MPPED1: variants seen among roughly 807,000 people sequenced by gnomAD.
MPPED1 encodes metallophosphoesterase domain containing 1.
MPPED1 carries 16 observed loss-of-function variants against 36.2 expected under a neutral mutation model. The observed-to-expected ratio is 0.44, with a 90% CI of 0.30 to 0.67. MPPED1 has a LOEUF of 0.67. Among genes scored for constraint, MPPED1 ranks in the 30% least tolerant of loss-of-function variants. The pLI, the probability that MPPED1 is intolerant of heterozygous loss-of-function variation, is 0.10. For synonymous variants in MPPED1, 199 were observed against 191.3 expected, an observed-to-expected ratio of 1.04 and a Z score of -0.33; for missense variants, 307 against 453.4, an observed-to-expected ratio of 0.68 and a Z score of 2.93.
chr22:43,443,687 CT>C (rs939866776), intron 3 of MPPED1, among the ~76,000 whole-genome samples: 204 of 147,860 alleles, frequency 1.4e-3, no homozygotes, highest in African/African-American at 3.9e-3. Context: ...GTCCAACCAA[CT>C]TTTTTTTTTT....
chr22:43,466,452 C>A (rs918229899), intron 3 of MPPED1, among the ~76,000 whole-genome samples: 2 of 152,214 alleles, frequency 1.3e-5, no homozygotes, highest in African/African-American at 4.8e-5. Flanking sequence ...CATTTCTGGG[C>A]TGTGCTATAC....
chr22:43,482,420 A>T (rs769226736), intron 4 of MPPED1, among the ~76,000 whole-genome samples: 12 of 151,808 alleles, frequency 7.9e-5, no homozygotes, highest in Non-Finnish European at 1.2e-4. Context: ...GCTGGACCTC[A>T]AGGCCAGGCA....
chr22:43,444,079 G>A (rs1028352193), intron 3 of MPPED1, among the ~76,000 whole-genome samples: 1 of 152,182 alleles, frequency 6.6e-6, no homozygotes, highest in Non-Finnish European at 1.5e-5. Context: ...AAGCCATGCT[G>A]TGTTGTAGGG....
At position 43,474,661 on chromosome 22, in the gene MPPED1, T is replaced by A. The variant is rs1931485479; in HGVS notation, c.407-75T>A. 1.3e-6 allele frequency: 2 copies of A among 1,576,910 alleles called. No homozygotes were observed. Among genetic ancestry groups the A allele is most frequent in the African/African-American group, 2.7e-5 (2 of 73,760 alleles). On this transcript the variant is annotated intron_variant, in intron 3 of 6. Transcript: ENST00000443721. The surrounding 1 kb of genome is among the most constrained non-coding windows in gnomAD (Gnocchi z 5.2). ...CATGCAGCTTCCTCCTGCCCGCCCC[T>A]CTCTCAGCCGTGCTGTGGCTTCTGG...
At chr22:43,481,443 G>C (rs1931746965) in intron 4 of MPPED1, among the ~76,000 whole-genome samples, 1 of 152,132 alleles carries the variant, frequency 6.6e-6, no homozygotes, top group African/African-American at 2.4e-5. Flanking sequence ...CTTCATAGGG[G>C]CAGGGACCCA....
chr22:43,473,075 A>G (rs567907645), intron 3 of MPPED1, among the ~76,000 whole-genome samples: 25 of 152,314 alleles, frequency 1.6e-4, no homozygotes, highest in Middle Eastern at 3.4e-3. Flanking sequence ...AATCCTTAGT[A>G]TTTGGAGCAG....
chr22:43,473,884 CAGAG>C (rs1931458513), intron 3 of MPPED1, among the ~76,000 whole-genome samples: 1 of 152,226 alleles, frequency 6.6e-6, no homozygotes, highest in Non-Finnish European at 1.5e-5. Context: ...AACTGGACCC[CAGAG>C]AGAGAAAGAT....
intron 3 of MPPED1, among the ~76,000 whole-genome samples, chr22:43,465,767 A>G (rs1430707648): frequency 6.6e-6 from 1 of 152,152 alleles, no homozygotes; most frequent in Non-Finnish European, 1.5e-5. Context: ...GGGCGGGAAG[A>G]GGATCCTGGT....
chr22:43,503,268 G>T (rs1292745112), intron 6 of MPPED1, among the ~76,000 whole-genome samples: 1 of 152,228 alleles, frequency 6.6e-6, no homozygotes, highest in East Asian at 1.9e-4. Context: ...GCCCTGGCCT[G>T]TTGCTGCGTG....
intron 3 of MPPED1, among the ~76,000 whole-genome samples, chr22:43,447,883 ATTT>A (rs776108565): frequency 5.2e-4 from 35 of 67,690 alleles, no homozygotes; most frequent in African/African-American, 1.9e-3. Context: ...ATATATATAT[ATTT>A]TTTTTTTTTT....
intron 4 of MPPED1, among the ~76,000 whole-genome samples, chr22:43,484,463 C>T (rs902645677): frequency 8.5e-5 from 13 of 152,192 alleles, no homozygotes; most frequent in Non-Finnish European, 1.6e-4. Context: ...TGCCTGGCTT[C>T]CCCTGGGCCC....
chr22:43,431,372 C>G (rs1929681336), intron 2 of MPPED1, among the ~76,000 whole-genome samples: 1 of 151,982 alleles, frequency 6.6e-6, no homozygotes, highest in Admixed American at 6.6e-5. Context: ...TCTTTTTGCT[C>G]TTTCCTTCAC....
chr22:43,493,752 C>T lies in MPPED1; in HGVS notation c.633-4483C>T, dbSNP rs1602013937. Among the ~76,000 whole-genome samples, 4 of 152,306 alleles carry T rather than the reference C, an allele frequency of 2.6e-5. No individual in the cohort carries two copies. The Middle Eastern group carries it at 0.014, about 518-fold the overall frequency. On this transcript the variant is annotated intron_variant, in intron 4 of 6. Transcript: ENST00000443721. ...TGGTGACTATTTTTATTTTCCCACCCCTGGTCCTCAATTTTCTCATCTACA... is the reference window on the plus strand; with the variant it reads ...TGGTGACTATTTTTATTTTCCCACCTCTGGTCCTCAATTTTCTCATCTACA...
chr22:43,484,787 C>T (rs553096820), intron 4 of MPPED1, among the ~76,000 whole-genome samples: 18 of 152,224 alleles, frequency 1.2e-4, no homozygotes, highest in African/African-American at 2.6e-4. Context: ...CTCAGGGAAA[C>T]GGCTGCTTGA....
chr22:43,450,214 G>C (rs565032869), intron 3 of MPPED1, among the ~76,000 whole-genome samples: 2 of 152,214 alleles, frequency 1.3e-5, no homozygotes, highest in African/African-American at 4.8e-5. Context: ...GGTCATGTCC[G>C]TGGACCTGGG....
Position 43,428,761 on chromosome 22 carries a change from G to A in MPPED1, c.224+3552G>A, listed in dbSNP as rs575612300. 1.2e-4 allele frequency among the ~76,000 whole-genome samples: 18 copies of A among 152,088 alleles called. No homozygotes were observed. In the East Asian group the frequency reaches 2.3e-3, roughly 20 times the overall value. On this transcript the variant is annotated intron_variant, in intron 2 of 6. Transcript: ENST00000443721. ...GCCTTTGCTTGGGTAATGAATCTCC[G>A]GAGCTGGGCCTCTAGGTTGTGAGCA...
At chr22:43,434,173 A>G (rs1252011267) in intron 2 of MPPED1, among the ~76,000 whole-genome samples, 1 of 152,184 alleles carries the variant, frequency 6.6e-6, no homozygotes, top group Non-Finnish European at 1.5e-5. Context: ...CGCTTTTTAA[A>G]ATGTTATTTT....
chr22:43,455,397 A>C (rs1930720910), intron 3 of MPPED1, among the ~76,000 whole-genome samples: 3 of 152,162 alleles, frequency 2.0e-5, no homozygotes, highest in Admixed American at 1.3e-4. Context: ...GGCGTGAGCC[A>C]CTGCGCCAGG....
At chr22:43,454,165 C>T (rs558227374) in intron 3 of MPPED1, among the ~76,000 whole-genome samples, 16 of 152,020 alleles carry the variant, frequency 1.1e-4, no homozygotes, top group African/African-American at 1.7e-4. Flanking sequence ...CCCACCACCA[C>T]GCCTGGCTAA....
Sources: gnomAD v4.1 joint callset for allele counts (sites outside exome capture counted in the v4.1 genomes callset) on GRCh38, gnomAD v4.1.1 for gene constraint, Gnocchi (gnomAD v3.1) non-coding constraint, MANE v1.5 for transcripts, NCBI Gene and HGNC (gene_info 2026-07-23, HGNC 2026-07-21) for gene names.